CRB1: variants seen among roughly 807,000 people sequenced by gnomAD.
The protein encoded by CRB1 is protein crumbs homolog 1.
CRB1 carries 83 observed loss-of-function variants against 120.0 expected under a neutral mutation model. The ratio of observed to expected loss-of-function variants is 0.69; its 90% CI spans 0.58 to 0.83. CRB1 has a LOEUF of 0.83. CRB1 is among the 40% of genes least tolerant of loss of function. The pLI is 0.00. For missense variants in CRB1, 1,699 were observed against 1,687.6 expected (o/e 1.01, Z -0.12); for synonymous variants, 625 against 612.5 (o/e 1.02, Z -0.30).
chr1:197,353,414 G>A (rs891641705), intron 4 of CRB1, among the ~76,000 whole-genome samples: 1 of 152,172 alleles, frequency 6.6e-6, no homozygotes, highest in African/African-American at 2.4e-5. Context: ...TAGTTTACAA[G>A]TTTTATAATT....
At chr1:197,244,225 A>T in the CRB1 span, among the ~76,000 whole-genome samples, 1 of 152,146 alleles carries the variant, frequency 6.6e-6, no homozygotes, top group African/African-American at 2.4e-5. Context: ...TTATGACGTT[A>T]GCTGGCTATT....
In CRB1 at chr1:197,429,533, G is replaced by T. The variant is rs987199796; in HGVS notation, c.2761G>T (p.Ala921Ser). The part of the protein sequence containing the change: ...CSCPALTSGK[A>S]CEEVQWCGFS... ...CTGTCCTGCCCTCACAAGTGGGAAA[G>T]CCTGTGAGGAGGTTCAGTGGTGTGG... The change falls in exon 8 of 12, where the codon GCC becomes TCC. Residue 921 changes from alanine to serine, a missense_variant. Transcript: ENST00000367400. The T allele has an allele frequency of 6.2e-7, 1 of 1,613,934 alleles. No individual in the cohort carries two copies.
chr1:197,283,112 TA>T (rs11344144), intron 1 of CRB1, among the ~76,000 whole-genome samples: 1,517 of 144,108 alleles, frequency 0.011, 25 homozygotes, highest in African/African-American at 0.034. Context: ...TAAGCAAAAA[TA>T]AAAAAAATAA....
At chr1:197,208,406 T>A in the CRB1 span, among the ~76,000 whole-genome samples, 1 of 152,212 alleles carries the variant, frequency 6.6e-6, no homozygotes, top group African/African-American at 2.4e-5. Context: ...CTCCATCCCA[T>A]GGAGTGCTCC....
intron 5 of CRB1, among the ~76,000 whole-genome samples, chr1:197,407,413 A>G (rs557284439): frequency 2.0e-4 from 30 of 152,310 alleles, no homozygotes; most frequent in Admixed American, 3.3e-4. Context: ...AGTCACTGCC[A>G]TTTTTTAGGA....
At chr1:197,367,758 G>A (rs181600186) in intron 5 of CRB1, among the ~76,000 whole-genome samples, 117 of 152,276 alleles carry the variant, frequency 7.7e-4, no homozygotes, top group Middle Eastern at 3.4e-3. Flanking sequence ...TCTCTGGAAC[G>A]CTACATTGTT....
chr1:197,295,021 G>A lies in CRB1; in HGVS notation c.70+26539G>A, dbSNP rs141395254. Among the ~76,000 whole-genome samples the A allele has an allele frequency of 9.3e-3, 1,407 of 152,082 alleles. 24 individuals carry two copies. The highest frequency in any genetic ancestry group is 0.032 in the African/African-American group (1,345 of 41,512). ...GTATACATATGTAGCAAACCTGCAC[G>A]TTGTGCACATGTACCCTAGAACTTA... On this transcript the variant is annotated intron_variant, in intron 1 of 11. Coordinates refer to ENST00000367400, the MANE Select transcript of CRB1 (RefSeq NM_201253.3).
the CRB1 span, among the ~76,000 whole-genome samples, chr1:197,241,690 CT>C: frequency 6.9e-6 from 1 of 145,158 alleles, no homozygotes; most frequent in East Asian, 2.0e-4. Context: ...AGGGGCTCTT[CT>C]TTTAAAGTAG....
chr1:197,272,910 T>C (rs1202747005), intron 1 of CRB1, among the ~76,000 whole-genome samples: 1 of 152,196 alleles, frequency 6.6e-6, no homozygotes, highest in Non-Finnish European at 1.5e-5. Context: ...TAAAATCATT[T>C]AGGAAATCAA....
At chr1:197,245,216 C>T in the CRB1 span, among the ~76,000 whole-genome samples, 2 of 152,056 alleles carry the variant, frequency 1.3e-5, no homozygotes, top group Non-Finnish European at 2.9e-5. Flanking sequence ...CCCCACTTCC[C>T]TCACCCCACA....
intron 5 of CRB1, among the ~76,000 whole-genome samples, chr1:197,366,298 G>A (rs1282382598): frequency 6.6e-6 from 1 of 151,760 alleles, no homozygotes; most frequent in Non-Finnish European, 1.5e-5. Context: ...TTTTTTACAT[G>A]CTATGTGTAT....
chr1:197,228,612 C>T, the CRB1 span, among the ~76,000 whole-genome samples: 8 of 152,184 alleles, frequency 5.3e-5, no homozygotes, highest in African/African-American at 1.4e-4. Flanking sequence ...CAAACTTTCC[C>T]ACATTTTCCC....
At chr1:197,405,073 T>A (rs1354946701) in intron 5 of CRB1, among the ~76,000 whole-genome samples, 2 of 150,592 alleles carry the variant, frequency 1.3e-5, no homozygotes. Flanking sequence ...TCCCTCTCCC[T>A]CTCCCCACGG....
At chr1:197,249,171 C>G in the CRB1 span, among the ~76,000 whole-genome samples, 1 of 151,790 alleles carries the variant, frequency 6.6e-6, no homozygotes, top group Admixed American at 6.6e-5. Flanking sequence ...TTTACAATAT[C>G]CTTTGGAGAT....
chr1:197,275,414 T>A (rs1005861618), intron 1 of CRB1, among the ~76,000 whole-genome samples: 16 of 152,082 alleles, frequency 1.1e-4, no homozygotes, highest in Non-Finnish European at 1.5e-4. Context: ...TAGTAAGTGC[T>A]TGGTAAATAT....
the CRB1 span, among the ~76,000 whole-genome samples, chr1:197,255,632 T>A: frequency 6.6e-6 from 1 of 151,994 alleles, no homozygotes; most frequent in Non-Finnish European, 1.5e-5. Context: ...AAAGGACGCT[T>A]CTGCCTGTCA....
intron 5 of CRB1, among the ~76,000 whole-genome samples, chr1:197,368,482 G>T (rs528327721): frequency 6.6e-6 from 1 of 152,080 alleles, no homozygotes; most frequent in African/African-American, 2.4e-5. Context: ...CAATAACTAG[G>T]ACAGGTATAC....
intron 4 of CRB1, among the ~76,000 whole-genome samples, chr1:197,355,695 G>A (rs1402410510): frequency 6.6e-6 from 1 of 152,146 alleles, no homozygotes; most frequent in African/African-American, 2.4e-5. Context: ...CTGAGTTTTG[G>A]GCCGGCAAGC....
intron 5 of CRB1, among the ~76,000 whole-genome samples, chr1:197,410,614 C>A (rs1367597480): frequency 6.6e-6 from 1 of 152,182 alleles, no homozygotes; most frequent in Non-Finnish European, 1.5e-5. Flanking sequence ...TCCCTTTTTA[C>A]AGATTTTTTA....
Sources: gnomAD v4.1 joint callset for allele counts (sites outside exome capture counted in the v4.1 genomes callset) on GRCh38, gnomAD v4.1.1 for gene constraint, MANE v1.5 for transcripts, NCBI Gene and HGNC (gene_info 2026-07-23, HGNC 2026-07-21) for gene names.